CD163L1: variants seen among roughly 807,000 people sequenced by gnomAD.
CD163L1 encodes CD163 molecule like 1.
CD163L1 carries 124 observed loss-of-function variants against 165.4 expected under a neutral mutation model. The ratio of observed to expected loss-of-function variants is 0.75; its 90% CI spans 0.65 to 0.87. The LOEUF (loss-of-function observed/expected upper bound fraction) is 0.87, where lower values mean the gene tolerates loss of function less well. Among genes scored for constraint, CD163L1 ranks in the 40% least tolerant of loss-of-function variants. CD163L1 has a pLI of 0.00. For missense variants in CD163L1, 1,525 were observed against 1,799.9 expected (o/e 0.85, Z 2.76); for synonymous variants, 585 against 662.2 (o/e 0.88, Z 1.79).
chr12:7,373,405 C>A lies in CD163L1; in HGVS notation c.3645G>T (p.Thr1215=). The change falls in exon 14 of 20, where the codon ACG becomes ACT. Residue 1215 remains threonine, a synonymous_variant. Coordinates refer to ENST00000313599, the MANE Select transcript of CD163L1 (RefSeq NM_174941.6). ...ACAGGCACTGCCATATGGAGATATGCGTTTTAGGACACTGAATGTCATCCA... is the reference window on the plus strand; with the variant it reads ...ACAGGCACTGCCATATGGAGATATGAGTTTTAGGACACTGAATGTCATCCA... The part of the protein sequence containing the change: ...MWVDDIQCPK[T]HISIWQCLSA... 2 of 1,614,140 alleles carry A rather than the reference C, an allele frequency of 1.2e-6. No individual in the cohort carries two copies. Among genetic ancestry groups the A allele is most frequent in the Non-Finnish European group, 1.7e-6 (2 of 1,180,014 alleles).
chr12:7,396,450 G>A lies in CD163L1; in HGVS notation c.1730-35C>T, dbSNP rs775595924. ...GAACAATGAAGCAAGTAGTTAATGG[G>A]TGTGATGGTTTATTTTATATGTCAA... On this transcript the variant is annotated intron_variant, in intron 7 of 19. Coordinates refer to ENST00000313599, the MANE Select transcript of CD163L1 (RefSeq NM_174941.6). The A allele has an allele frequency of 8.5e-6, 13 of 1,535,986 alleles. No homozygotes were observed. The Admixed American group carries it at 2.3e-4, about 27-fold the overall frequency.
In CD163L1 at chr12:7,421,489, ATACATATATG is replaced by A. The variant is rs1425659435; in HGVS notation, c.766+10917_766+10926del. 1.3e-4 allele frequency among the ~76,000 whole-genome samples: 15 copies of A among 113,626 alleles called. 1 individual carries two copies. The highest frequency in any genetic ancestry group is 5.8e-4 in the South Asian group (2 of 3,434). 74.5% of individuals were successfully genotyped at this position (113,626 alleles called of 152,430 possible). ...CATATATATACATATATGTACATAT[ATACATATATG>A]TACATATACATATACATATATGTAC... is the stretch of plus-strand genomic sequence containing the variant. On this transcript the variant is annotated intron_variant, in intron 4 of 19. Transcript: ENST00000313599.
Position 7,374,634 on chromosome 12 carries a change from C to A in CD163L1, c.3217G>T (p.Val1073Leu). Residue 1073 changes from valine to leucine, a missense_variant, in exon 13 of 20, where the codon GTG becomes TTG. Transcript: ENST00000313599. The surrounding 1 kb of genome is among the most constrained non-coding windows in gnomAD (Gnocchi z 5.4). Reference sequence around the variant, plus strand: ...ACTCCACAGCCCAGCTTTTGACACACCACGTGGGCATCGCTCAGGTCCCAG... The same window carrying A: ...ACTCCACAGCCCAGCTTTTGACACAACACGTGGGCATCGCTCAGGTCCCAG... ...DGWDLSDAHV[V>L]CQKLGCGVAF... 1 of 1,614,228 alleles carries A rather than the reference C, an allele frequency of 6.2e-7. No homozygotes were observed. The highest frequency in any genetic ancestry group is 1.1e-5 in the South Asian group (1 of 91,090).
intron 18 of CD163L1, 117 bp from the exon 19 acceptor site, chr12:7,357,603 A>G: frequency 1.6e-6 from 1 of 644,614 alleles, no homozygotes; most frequent in South Asian, 2.4e-5. Flanking sequence ...AGAGGTGACT[A>G]TTACATAAAT....
intron 4 of CD163L1, among the ~76,000 whole-genome samples, chr12:7,431,559 G>A (rs1303621638): frequency 3.3e-5 from 5 of 150,938 alleles, no homozygotes; most frequent in Non-Finnish European, 7.4e-5. Flanking sequence ...GTTGAACAAC[G>A]AGAACGCATA....
chr12:7,417,867 A>C (rs1948277149), intron 4 of CD163L1, among the ~76,000 whole-genome samples: 1 of 151,994 alleles, frequency 6.6e-6, no homozygotes, highest in Non-Finnish European at 1.5e-5. Context: ...ATTGGCCTGC[A>C]GTTTTTTGTT....
intron 9 of CD163L1, among the ~76,000 whole-genome samples, chr12:7,377,038 T>C (rs2136435973): frequency 1.3e-5 from 2 of 152,352 alleles, no homozygotes; most frequent in East Asian, 3.9e-4. Context: ...CTGAGTGACC[T>C]TCCCCTGCTC....
chr12:7,403,672 G>C lies in CD163L1; in HGVS notation c.1271C>G (p.Pro424Arg), dbSNP rs1355288836. Residue 424 changes from proline to arginine, a missense_variant, in exon 6 of 20, where the codon CCT becomes CGT. Physicochemically the swap from Pro to Arg is moderately radical, Grantham distance 103 (BLOSUM62 -2). Coordinates refer to ENST00000313599, the MANE Select transcript of CD163L1 (RefSeq NM_174941.6). The stretch of plus-strand genomic sequence containing the variant: ...CCAAATGTCTCTAGCTTCATTACTA[G>C]GTTTAGCACGACGACTGCCAAAGAC... ...FSVFGSRRAK[P>R]SNEARDIWIN... The C allele has an allele frequency of 2.5e-6, 4 of 1,614,018 alleles. No homozygotes were observed. Among genetic ancestry groups the C allele is most frequent in the Non-Finnish European group, 3.4e-6 (4 of 1,179,958 alleles).
intron 1 of CD163L1, among the ~76,000 whole-genome samples, chr12:7,442,376 C>T (rs1053758683): frequency 2.6e-5 from 4 of 152,180 alleles, no homozygotes; most frequent in Non-Finnish European, 4.4e-5. Flanking sequence ...AGACAGAAGG[C>T]GCAACCTGCT....
At chr12:7,378,697 C>T (rs1947322119) in intron 9 of CD163L1, among the ~76,000 whole-genome samples, 1 of 152,216 alleles carries the variant, frequency 6.6e-6, no homozygotes, top group South Asian at 2.1e-4. Context: ...CCTTAACTAT[C>T]ACTTCACAGA....
chr12:7,357,386 A>C lies in CD163L1; in HGVS notation c.*18T>G. On this transcript the variant is annotated 3_prime_UTR_variant, in exon 19 of 20. Transcript: ENST00000313599. ...ACAATACTTCTCAACTTACCTGGTGAGCCCTGGAAGTCTAAAGTCATTTTG... is the reference window on the plus strand; with the variant it reads ...ACAATACTTCTCAACTTACCTGGTGCGCCCTGGAAGTCTAAAGTCATTTTG... 1 of 1,606,848 alleles carries C rather than the reference A, an allele frequency of 6.2e-7. No homozygotes were observed. Among genetic ancestry groups the C allele is most frequent in the African/African-American group, 1.3e-5 (1 of 74,868 alleles).
intron 4 of CD163L1, among the ~76,000 whole-genome samples, chr12:7,415,737 C>T (rs2136561925): frequency 6.6e-6 from 1 of 152,260 alleles, no homozygotes; most frequent in African/African-American, 2.4e-5. Flanking sequence ...TCATCCACGT[C>T]CCTGCAAAGG....
chr12:7,431,140 C>T (rs757458904), intron 4 of CD163L1, among the ~76,000 whole-genome samples: 1 of 152,160 alleles, frequency 6.6e-6, no homozygotes, highest in East Asian at 1.9e-4. Flanking sequence ...CCGCATTCTT[C>T]AGCCGGGTGC....
chr12:7,380,396 TAC>T (rs1947373030), intron 8 of CD163L1, among the ~76,000 whole-genome samples: 1 of 143,390 alleles, frequency 7.0e-6, no homozygotes, highest in African/African-American at 2.6e-5. Context: ...TATATGCGTA[TAC>T]ACACATGTAT....
chr12:7,416,784 T>C lies in CD163L1; in HGVS notation c.767-9932A>G, dbSNP rs1252318148. ...TCTGTTCCATTGGTCTATATATCTG[T>C]TTTGGTATGAGTACCATGCTGTTTC... On this transcript the variant is annotated intron_variant, in intron 4 of 19. Coordinates refer to ENST00000313599, the MANE Select transcript of CD163L1 (RefSeq NM_174941.6). Among the ~76,000 whole-genome samples, 6 of 152,284 alleles carry C rather than the reference T, an allele frequency of 3.9e-5. No homozygotes were observed. The East Asian group carries it at 9.7e-4, about 25-fold the overall frequency.
chr12:7,368,693 A>AT lies in CD163L1; in HGVS notation c.4072+239dup. 2.3e-6 allele frequency: 1 copy of AT among 441,954 alleles called. No individual in the cohort carries two copies. The highest frequency in any genetic ancestry group is 3.2e-5 in the Admixed American group (1 of 30,904). The allele number at this position is 441,954 out of a possible 1,614,324, so 27.4% of individuals were successfully genotyped here. On this transcript the variant is annotated intron_variant, in intron 16 of 19. Transcript: ENST00000313599. This position sits in a 1 kb window ranked among gnomAD's most constrained non-coding sequence, Gnocchi z 4.3. ...AAAGAATATTTGAGAATCTAGAAAGATTATCTATGAGGGTACCATGAGAGT... is the reference window on the plus strand; with the variant it reads ...AAAGAATATTTGAGAATCTAGAAAGATTTATCTATGAGGGTACCATGAGAGT...
chr12:7,441,194 G>A lies in CD163L1; in HGVS notation c.84C>T (p.Cys28=). ...HQNLFSAVVT[C]ILLLNSCFLI... is the part of the protein sequence containing the mutation. Reference sequence around the variant, plus strand: ...GAAAGCAGGAATTCAGGAGCAGGATGCAAGTTACCACAGCAGAGAAAAGGT... The same window carrying A: ...GAAAGCAGGAATTCAGGAGCAGGATACAAGTTACCACAGCAGAGAAAAGGT... The change falls in exon 2 of 20, where the codon TGC becomes TGT. Residue 28 remains cysteine, a synonymous_variant. Coordinates refer to ENST00000313599, the MANE Select transcript of CD163L1 (RefSeq NM_174941.6). 3 of 1,614,110 alleles carry A rather than the reference G, an allele frequency of 1.9e-6. No individual in the cohort carries two copies. The highest frequency in any genetic ancestry group is 1.7e-6 in the Non-Finnish European group (2 of 1,179,988).
chr12:7,357,888 A>G (rs1016710972), intron 18 of CD163L1, among the ~76,000 whole-genome samples: 1 of 152,160 alleles, frequency 6.6e-6, no homozygotes, highest in African/African-American at 2.4e-5. Flanking sequence ...AGAGAAATAA[A>G]GAATTGTTGT....
chr12:7,441,359 C>T, intron 1 of CD163L1, 113 bp from the exon 2 acceptor site: 2 of 754,886 alleles, frequency 2.6e-6, no homozygotes, highest in Non-Finnish European at 4.4e-6. Context: ...AATTATTCTT[C>T]CACCTGTCAA....
Sources: allele counts gnomAD v4.1 joint callset (sites outside exome capture counted in the v4.1 genomes callset), GRCh38; gene constraint gnomAD v4.1.1; non-coding constraint Gnocchi (gnomAD v3.1); transcripts MANE v1.5; gene names NCBI Gene and HGNC (gene_info 2026-07-23, HGNC 2026-07-21).